The following FBXO36 variants were observed in gnomAD, a reference collection of about 807,000 sequenced individuals.
FBXO36 encodes F-box only protein 36.
A neutral mutation model predicts 17.0 loss-of-function variants in FBXO36; 18 were observed. That is an observed-to-expected ratio of 1.06 (90% CI 0.73 to 1.57). FBXO36 has a LOEUF of 1.57. FBXO36 is among the 40% of genes most tolerant of loss of function. The pLI, the probability that FBXO36 is intolerant of heterozygous loss-of-function variation, is 0.00. For synonymous variants in FBXO36, 83 were observed against 85.3 expected (o/e 0.97, Z 0.15); for missense variants, 229 against 221.9 (o/e 1.03, Z -0.20).
chr2:230,000,355 CAAAAAAAAAA>C (rs3086348), intron 3 of FBXO36, among the ~76,000 whole-genome samples: 8 of 77,460 alleles, frequency 1.0e-4, no homozygotes, highest in Non-Finnish European at 1.7e-4. Context: ...GAGACTGTCT[CAAAAAAAAAA>C]AAAAAAAAAA....
chr2:230,003,078 T>C (rs900967747), intron 3 of FBXO36, among the ~76,000 whole-genome samples: 9 of 151,990 alleles, frequency 5.9e-5, no homozygotes, highest in African/African-American at 2.2e-4. Flanking sequence ...CCAGGTGTGG[T>C]GGCATGCGCC....
chr2:229,929,872 A>C (rs1363626495), intron 1 of FBXO36, among the ~76,000 whole-genome samples: 1 of 152,186 alleles, frequency 6.6e-6, no homozygotes, highest in Non-Finnish European at 1.5e-5. Context: ...AAAAGAAAGA[A>C]TATTTTGCAG....
intron 1 of FBXO36, among the ~76,000 whole-genome samples, chr2:229,926,525 C>A (rs2076913106): frequency 6.6e-6 from 1 of 151,832 alleles, no homozygotes; most frequent in African/African-American, 2.4e-5. Context: ...GGGTGGATCA[C>A]TTGAGGTCAG....
At chr2:229,964,340 T>C (rs1375107076) in intron 1 of FBXO36, among the ~76,000 whole-genome samples, 1 of 152,188 alleles carries the variant, frequency 6.6e-6, no homozygotes, top group East Asian at 1.9e-4. Flanking sequence ...CATACCTCTT[T>C]GTGGTCAGTT....
intron 2 of FBXO36, among the ~76,000 whole-genome samples, chr2:229,994,971 G>A (rs758260553): frequency 3.3e-5 from 5 of 151,962 alleles, no homozygotes; most frequent in Non-Finnish European, 7.4e-5. Flanking sequence ...AAAATTAGCC[G>A]GGCATGGTGG....
intron 1 of FBXO36, among the ~76,000 whole-genome samples, chr2:229,958,515 CA>C (rs1440575253): frequency 6.6e-6 from 1 of 152,132 alleles, no homozygotes; most frequent in African/African-American, 2.4e-5. Context: ...GTGATCTGCC[CA>C]CCTTGGCCTC....
At chr2:229,937,160 A>G (rs1301122973) in intron 1 of FBXO36, among the ~76,000 whole-genome samples, 3 of 152,170 alleles carry the variant, frequency 2.0e-5, no homozygotes, top group Admixed American at 6.5e-5. Flanking sequence ...GTGTCCCACA[A>G]TCGTTGGAAT....
At position 229,994,767 on chromosome 2, in the gene FBXO36, C is replaced by A. The variant is rs116092066; in HGVS notation, c.206-1984C>A. Reference sequence around the variant, plus strand: ...ACTGACAAAGCCCCCAGTTTTGGGGCCCCTGTGATCTATATGCATACCCCA... The same window carrying A: ...ACTGACAAAGCCCCCAGTTTTGGGGACCCTGTGATCTATATGCATACCCCA... On this transcript the variant is annotated intron_variant, in intron 2 of 3. Transcript: ENST00000283946. Among the ~76,000 whole-genome samples the A allele has an allele frequency of 2.4e-3, 366 of 152,264 alleles. 2 individuals carry two copies. Among genetic ancestry groups the A allele is most frequent in the African/African-American group, 8.3e-3 (347 of 41,562 alleles).
chr2:229,981,521 C>T lies in FBXO36; in HGVS notation c.205+5172C>T, dbSNP rs572534747. Among the ~76,000 whole-genome samples, 3 of 151,822 alleles carry T rather than the reference C, an allele frequency of 2.0e-5. No homozygotes were observed. The South Asian group carries it at 6.2e-4, about 32-fold the overall frequency. On this transcript the variant is annotated intron_variant, in intron 2 of 3. Transcript: ENST00000283946. ...AGGAGTTCGAGACCAACCTGGCAAA[C>T]ATGGCAAAACCCTGTTTCTACAAAA...
chr2:229,929,019 G>T (rs560270949), intron 1 of FBXO36, among the ~76,000 whole-genome samples: 23 of 148,616 alleles, frequency 1.5e-4, no homozygotes, highest in Admixed American at 1.0e-3. Context: ...CTGTCACCCA[G>T]GCTGGAGTGC....
chr2:229,931,258 C>T (rs2076937191), intron 1 of FBXO36, among the ~76,000 whole-genome samples: 1 of 152,194 alleles, frequency 6.6e-6, no homozygotes, highest in Non-Finnish European at 1.5e-5. Context: ...GACATAGTTC[C>T]AGTATCACCT....
In FBXO36 at chr2:230,012,768, T is replaced by C. The variant is rs754668238; in HGVS notation, c.*1884T>C. 4 of 151,768 alleles carry C rather than the reference T, an allele frequency of 2.6e-5. No individual in the cohort carries two copies. Among genetic ancestry groups the C allele is most frequent in the Non-Finnish European group, 5.9e-5 (4 of 67,898 alleles). 9.4% of individuals were successfully genotyped at this position (151,768 alleles called of 1,614,324 possible). The stretch of plus-strand genomic sequence containing the variant: ...GTATGTCAACATAACTTCATAAATA[T>C]GTAACTGTAACTTATTGGTAACATC... On this transcript the variant is annotated 3_prime_UTR_variant, in exon 4 of 4. Transcript: ENST00000283946.
At chr2:229,968,305 T>C (rs1270330818) in intron 1 of FBXO36, among the ~76,000 whole-genome samples, 1 of 152,166 alleles carries the variant, frequency 6.6e-6, no homozygotes, top group East Asian at 1.9e-4. Context: ...CAAATAATTT[T>C]GTGTTAAAAC....
At chr2:229,937,532 A>G (rs1430487488) in intron 1 of FBXO36, among the ~76,000 whole-genome samples, 1 of 152,136 alleles carries the variant, frequency 6.6e-6, no homozygotes, top group African/African-American at 2.4e-5. Context: ...AATAAAAACC[A>G]ATAACTTTTC....
At chr2:229,965,557 A>G (rs1461538333) in intron 1 of FBXO36, among the ~76,000 whole-genome samples, 1 of 119,296 alleles carries the variant, frequency 8.4e-6, no homozygotes, top group African/African-American at 3.2e-5. Context: ...CCAGTGTGTG[A>G]TGTTCCCCTT....
rs2077192961 is a variant in FBXO36, at chr2:229,973,705, G to C, written c.97-2536G>C. Among the ~76,000 whole-genome samples the C allele has an allele frequency of 3.6e-5, 5 of 137,298 alleles. No homozygotes were observed. In the South Asian group the frequency reaches 1.2e-3, roughly 34 times the overall value. 90.1% of individuals were successfully genotyped at this position (137,298 alleles called of 152,430 possible). On this transcript the variant is annotated intron_variant, in intron 1 of 3. Transcript: ENST00000283946. ...CACTGCACTCCAGCCTAGGGACAGA[G>C]CAAGACTCCATCTCAAAAAAAAAAA...
At chr2:229,962,174 C>CAA (rs763780236) in intron 1 of FBXO36, among the ~76,000 whole-genome samples, 2 of 126,976 alleles carry the variant, frequency 1.6e-5, no homozygotes, top group Non-Finnish European at 1.7e-5. Flanking sequence ...CAGAGTATCT[C>CAA]AAAAAAAAAA....
chr2:229,948,195 C>T (rs1162058510), intron 1 of FBXO36, among the ~76,000 whole-genome samples: 2 of 152,050 alleles, frequency 1.3e-5, no homozygotes, highest in East Asian at 3.8e-4. Context: ...CAGAGGAACA[C>T]TTGTGTCCCC....
intron 1 of FBXO36, among the ~76,000 whole-genome samples, chr2:229,957,956 G>A (rs570629393): frequency 6.6e-6 from 1 of 152,090 alleles, no homozygotes; most frequent in Admixed American, 6.6e-5. Context: ...GTTGTAAATA[G>A]TAACTTTTTG....
Sources: gnomAD v4.1 joint callset for allele counts (sites outside exome capture counted in the v4.1 genomes callset) on GRCh38, gnomAD v4.1.1 for gene constraint, MANE v1.5 for transcripts, NCBI Gene and HGNC (gene_info 2026-07-23, HGNC 2026-07-21) for gene names.